Variants in HGSNAT observed in about 807,000 individuals in gnomAD.
HGSNAT encodes the protein heparan-alpha-glucosaminide N-acetyltransferase.
A neutral mutation model predicts 85.2 loss-of-function variants in HGSNAT; 59 were observed. That is an observed-to-expected ratio of 0.69 (90% CI 0.56 to 0.86). The LOEUF is 0.86. HGSNAT is among the 40% of genes least tolerant of loss of function. The probability of loss-of-function intolerance (pLI) is 0.00; values close to 1 mark genes in which losing one functional copy is unlikely to be tolerated. For missense variants in HGSNAT, 756 were observed against 777.1 expected (o/e 0.97, Z 0.32); for synonymous variants, 321 against 304.5 (o/e 1.05, Z -0.56).
intron 11 of HGSNAT, 64 bp from the exon 12 acceptor site, chr8:43,191,409 AT>A (rs1351411762): frequency 6.4e-7 from 1 of 1,567,988 alleles, no homozygotes; most frequent in East Asian, 2.3e-5. Flanking sequence ...TCCTAAAGAC[AT>A]GTGCTTAGTT....
rs541318695 is a variant in HGSNAT at position 43,197,687 on chromosome 8, G to A, written c.1558G>A (p.Ala520Thr). ...CCCATTACAGGGGCTCATTTCTGTT[G>A]CTCTGACGAAGGTTTCTGAAAATGA... ...WCCILGLISV[A>T]LTKVSENEGF... Residue 520 changes from alanine (A) to threonine (T), a missense_variant, in exon 16 of 18, where the codon GCT (alanine) becomes ACT (threonine). By Grantham distance (58) the Ala-to-Thr change is moderately conservative. Coordinates refer to ENST00000379644, the MANE Select transcript of HGSNAT (RefSeq NM_152419.3). 2.3e-5 allele frequency: 37 copies of A among 1,612,742 alleles called. 2 individuals carry two copies. In the South Asian group the frequency reaches 4.0e-4, roughly 17 times the overall value.
intron 14 of HGSNAT, chr8:43,195,700 TGGA>T (rs1415836431): frequency 1.2e-3 from 53 of 42,438 alleles, no homozygotes; most frequent in Middle Eastern, 0.014. Context: ...GAGGAGGGTG[TGGA>T]GGAGGAGGAG....
At chr8:43,147,170 C>A in intron 2 of HGSNAT, 107 bp downstream of exon 2, 1 of 649,884 alleles carries the variant, frequency 1.5e-6, no homozygotes, top group Non-Finnish European at 2.6e-6. Context: ...AGTTTTGCAG[C>A]TAAAGAAACA....
chr8:43,197,643 T>C (rs2130820998), intron 15 of HGSNAT, 29 bp from the exon 16 acceptor site: 2 of 1,529,324 alleles, frequency 1.3e-6, no homozygotes, highest in South Asian at 1.1e-5. Context: ...TAATATAAAA[T>C]GTTAACATCC....
chr8:43,153,280 G>A (rs996946430), intron 2 of HGSNAT, among the ~76,000 whole-genome samples: 7 of 151,934 alleles, frequency 4.6e-5, no homozygotes, highest in African/African-American at 7.3e-5. Flanking sequence ...CATGTATCAA[G>A]TACTCCAAGA....
chr8:43,146,757 G>GCA (rs1215019640), intron 1 of HGSNAT, among the ~76,000 whole-genome samples, 191 bp from the exon 2 acceptor site: 3 of 151,996 alleles, frequency 2.0e-5, no homozygotes, highest in East Asian at 1.9e-4. Context: ...GTGTGTGTGT[G>GCA]CACATGCATG....
chr8:43,179,370 TCC>T (rs1482774548), intron 10 of HGSNAT, among the ~76,000 whole-genome samples: 1 of 102,110 alleles, frequency 9.8e-6, no homozygotes, highest in Non-Finnish European at 2.0e-5. Context: ...CGGGGGGCTG[TCC>T]CCCCCACCTC....
intron 6 of HGSNAT, among the ~76,000 whole-genome samples, chr8:43,169,446 C>T (rs1473625880): frequency 6.6e-6 from 1 of 152,334 alleles, no homozygotes; most frequent in East Asian, 1.9e-4. Context: ...GACATTGGAA[C>T]GTTCCGCTCT....
At chr8:43,188,226 C>T (rs1236519980) in intron 11 of HGSNAT, among the ~76,000 whole-genome samples, 2 of 152,208 alleles carry the variant, frequency 1.3e-5, no homozygotes, top group East Asian at 3.8e-4. Context: ...TAGATAATAT[C>T]CTGAAGAGTT....
intron 2 of HGSNAT, 36 bp from the exon 3 acceptor site, chr8:43,158,539 C>T: frequency 6.2e-7 from 1 of 1,612,790 alleles, no homozygotes; most frequent in Admixed American, 1.7e-5. Context: ...TGTTGAAAAA[C>T]CTCTGGCGGT....
At chr8:43,150,303 T>A (rs1441811808) in intron 2 of HGSNAT, among the ~76,000 whole-genome samples, 1 of 152,006 alleles carries the variant, frequency 6.6e-6, no homozygotes, top group Non-Finnish European at 1.5e-5. Context: ...AAACAGTTAA[T>A]GTTTCTGTAT....
At chr8:43,181,506 G>T (rs150301418) in intron 10 of HGSNAT, 1 of 152,594 alleles carries the variant, frequency 6.6e-6, no homozygotes, top group Non-Finnish European at 1.5e-5. Flanking sequence ...GAGCCCTCAG[G>T]CAATATGTAC....
At chr8:43,162,213 G>A (rs1485926553) in intron 5 of HGSNAT, among the ~76,000 whole-genome samples, 2 of 152,154 alleles carry the variant, frequency 1.3e-5, no homozygotes, top group Non-Finnish European at 2.9e-5. Context: ...AGGTTTTATT[G>A]ATGAGCAATA....
chr8:43,167,423 A>G (rs1218552803), intron 5 of HGSNAT, among the ~76,000 whole-genome samples: 3 of 152,240 alleles, frequency 2.0e-5, no homozygotes, highest in African/African-American at 7.2e-5. Context: ...GCAGCCATCA[A>G]CATGGAGGCC....
chr8:43,142,201 A>C (rs1802573164), intron 1 of HGSNAT, among the ~76,000 whole-genome samples: 1 of 152,204 alleles, frequency 6.6e-6, no homozygotes, highest in African/African-American at 2.4e-5. Flanking sequence ...CAGCACATTT[A>C]TCCCCGCACC....
intron 14 of HGSNAT, chr8:43,194,618 C>T (rs1391133836): frequency 3.0e-6 from 2 of 656,772 alleles, no homozygotes; most frequent in African/African-American, 3.9e-5. Flanking sequence ...CCCAAGGTGG[C>T]AACTTGATTG....
rs779337904 is a variant in HGSNAT, at chr8:43,151,607, G to T, written c.234+4544G>T. Reference sequence around the variant, plus strand: ...ATAAATTAAAAAAAGCAGGGATTATGTATTCTACCTCATACTTCTGCACAA... The same window carrying T: ...ATAAATTAAAAAAAGCAGGGATTATTTATTCTACCTCATACTTCTGCACAA... On this transcript the variant is annotated intron_variant, in intron 2 of 17. Transcript: ENST00000379644. Among the ~76,000 whole-genome samples, 70 of 152,172 alleles carry T rather than the reference G, an allele frequency of 4.6e-4. 1 individual carries two copies. Among genetic ancestry groups the T allele is most frequent in the Non-Finnish European group, 8.8e-5 (6 of 68,032 alleles).
rs1160889790 is a variant in HGSNAT at position 43,170,510 on chromosome 8, G to C, written c.634-75G>C. 3 of 1,243,928 alleles carry C rather than the reference G, an allele frequency of 2.4e-6. No individual in the cohort carries two copies. The East Asian group carries it at 7.6e-5, about 32-fold the overall frequency. The allele number at this position is 1,243,928 out of a possible 1,614,324, so 77.1% of individuals were successfully genotyped here. A position where few individuals can be genotyped will look rare whatever the true frequency, so the allele number is the denominator to read the frequency against. ...ACAAAACAAAACAAAACAAAACAAA[G>C]AAATCAAAAAATGACAAAATGAAAT... On this transcript the variant is annotated intron_variant, in intron 6 of 17. Coordinates refer to ENST00000379644, the MANE Select transcript of HGSNAT (RefSeq NM_152419.3).
intron 11 of HGSNAT, among the ~76,000 whole-genome samples, chr8:43,186,033 G>A (rs573621152): frequency 3.3e-5 from 5 of 152,094 alleles, no homozygotes; most frequent in African/African-American, 1.2e-4. Context: ...TGCTGGATTC[G>A]GTTTCCCAGT....
Sources: gnomAD v4.1 joint callset for allele counts (sites outside exome capture counted in the v4.1 genomes callset) on GRCh38, gnomAD v4.1.1 for gene constraint, MANE v1.5 for transcripts, NCBI Gene and HGNC (gene_info 2026-07-23, HGNC 2026-07-21) for gene names.